ADA2: variants seen among roughly 807,000 people sequenced by gnomAD.
ADA2 encodes the protein adenosine deaminase CECR1.
ADA2 carries 29 observed loss-of-function variants against 44.2 expected under a neutral mutation model. The observed-to-expected ratio is 0.66, with a 90% confidence interval of 0.49 to 0.89. ADA2 has a LOEUF of 0.89. Among genes scored for constraint, ADA2 ranks in the 40% least tolerant of loss-of-function variants. ADA2 has a pLI of 0.00. For synonymous variants in ADA2, 215 were observed against 234.9 expected (o/e 0.92, Z 0.77); for missense variants, 637 against 644.8 (o/e 0.99, Z 0.13).
At chr22:17,196,478 T>C (rs2062192554) in intron 4 of ADA2, among the ~76,000 whole-genome samples, 1 of 152,138 alleles carries the variant, frequency 6.6e-6, no homozygotes, top group African/African-American at 2.4e-5. Context: ...AGAACCACTG[T>C]GTTAACCCAA....
At chr22:17,219,874 C>T (rs2062510240), upstream of ADA2, among the ~76,000 whole-genome samples, 1 of 151,764 alleles carries the variant, frequency 6.6e-6, no homozygotes, top group Non-Finnish European at 1.5e-5. Context: ...TGGGGTTTCA[C>T]CATGTTGGTC....
chr22:17,216,047 C>A (rs1196001386), intron 1 of ADA2, among the ~76,000 whole-genome samples: 1 of 151,576 alleles, frequency 6.6e-6, no homozygotes, highest in East Asian at 1.9e-4. Context: ...ATTAGTCAGG[C>A]GTGGTGGCGT....
At position 17,181,565 on chromosome 22, in the gene ADA2, A is replaced by G; in HGVS notation, c.1454T>C (p.Leu485Pro). The G allele has an allele frequency of 5.6e-6, 9 of 1,610,438 alleles. No homozygotes were observed. Among genetic ancestry groups the G allele is most frequent in the Non-Finnish European group, 7.6e-6 (9 of 1,176,972 alleles). The change falls in exon 10 of 10, where the codon CTG (leucine) becomes CCG (proline). Residue 485 changes from leucine (L) to proline (P), a missense_variant. Leu to Pro is a moderately conservative substitution (Grantham distance 98, BLOSUM62 -3). Transcript: ENST00000399837. ...LAMNSIKYST[L>P]LESEKNTFME... ...GAAAGTATTTTTCTCACTCTCCAAC[A>G]GGGTACTGTACCTGCAGGAAGAGGA...
At position 17,209,430 on chromosome 22, in the gene ADA2, C is replaced by G. The variant is rs753153247; in HGVS notation, c.248G>C (p.Ser83Thr). ...ATGCTTGGCCTGGAAAAAGTGCATG[C>G]TGGGTGGGAATATCAGGGTCCTCAT... The part of the protein sequence containing the change: ...EAMRTLIFPP[S>T]MHFFQAKHLI... Residue 83 changes from serine (S) to threonine (T), a missense_variant, in exon 2 of 10, where the codon AGC becomes ACC. Physicochemically the swap from Ser to Thr is moderately conservative, Grantham distance 58 (BLOSUM62 1). Transcript: ENST00000399837. 2 of 1,614,112 alleles carry G rather than the reference C, an allele frequency of 1.2e-6. No homozygotes were observed. Among genetic ancestry groups the G allele is most frequent in the Non-Finnish European group, 1.7e-6 (2 of 1,180,022 alleles).
intron 1 of ADA2, among the ~76,000 whole-genome samples, chr22:17,210,860 C>CT (rs1385309096): frequency 6.6e-6 from 1 of 151,988 alleles, no homozygotes; most frequent in African/African-American, 2.4e-5. Context: ...AGTGCTGGGA[C>CT]TACAGGCATG....
intron 4 of ADA2, among the ~76,000 whole-genome samples, chr22:17,201,142 G>C (rs1568982395): frequency 6.6e-6 from 1 of 151,796 alleles, no homozygotes; most frequent in Non-Finnish European, 1.5e-5. Flanking sequence ...CTGGGAGGTG[G>C]AGGTTGCAGT....
intron 1 of ADA2, among the ~76,000 whole-genome samples, chr22:17,217,332 ACAGT>A (rs1275112273): frequency 7.2e-5 from 11 of 152,182 alleles, no homozygotes; most frequent in Non-Finnish European, 1.0e-4. Context: ...CTTGCACAGC[ACAGT>A]CAATCATTCT....
intron 7 of ADA2, 91 bp from the exon 8 acceptor site, chr22:17,182,852 A>T: frequency 1.5e-6 from 2 of 1,343,120 alleles, no homozygotes; most frequent in Non-Finnish European, 2.0e-6. Flanking sequence ...CCCCCCGACC[A>T]TCCTCAAATA....
intron 4 of ADA2, chr22:17,199,661 G>A: frequency 6.2e-7 from 1 of 1,611,410 alleles, no homozygotes; most frequent in South Asian, 1.1e-5. Flanking sequence ...AGGACGCTCA[G>A]AGAGCCCAGC....
At chr22:17,183,417 C>T (rs74981457) in intron 7 of ADA2, among the ~76,000 whole-genome samples, 40,818 of 149,620 alleles carry the variant, frequency 0.27, 5,965 homozygotes, top group Non-Finnish European at 0.33. Context: ...GTCTCTCTGA[C>T]CCCACAGTCC....
At chr22:17,197,269 CT>C (rs113880994) in intron 4 of ADA2, among the ~76,000 whole-genome samples, 130 of 142,984 alleles carry the variant, frequency 9.1e-4, no homozygotes, top group Non-Finnish European at 9.4e-4. Context: ...TCTTTTTTTT[CT>C]TTTTTTTTTT....
At chr22:17,207,467 T>A (rs2062367868) in intron 2 of ADA2, among the ~76,000 whole-genome samples, 177 bp from the exon 3 acceptor site, 1 of 150,148 alleles carries the variant, frequency 6.7e-6, no homozygotes, top group Non-Finnish European at 1.5e-5. Context: ...TGAAGTCCCA[T>A]CCCAGGGCTC....
chr22:17,202,314 G>A (rs2062298944), intron 4 of ADA2, among the ~76,000 whole-genome samples: 1 of 152,120 alleles, frequency 6.6e-6, no homozygotes, highest in African/African-American at 2.4e-5. Flanking sequence ...ATTTTTAGTA[G>A]AGACAGGGTT....
chr22:17,217,093 C>T (rs2062481090), intron 1 of ADA2, among the ~76,000 whole-genome samples: 2 of 151,224 alleles, frequency 1.3e-5, no homozygotes, highest in South Asian at 4.2e-4. Flanking sequence ...ACAGCAAAGC[C>T]GAATGTTTAA....
intron 4 of ADA2, chr22:17,199,535 A>AAGTT (rs773289382): frequency 9.3e-6 from 15 of 1,606,060 alleles, no homozygotes; most frequent in Non-Finnish European, 1.3e-5. Context: ...GCCCAACAGG[A>AAGTT]AGTTCTCCCC....
At chr22:17,195,891 G>A (rs1403828686) in intron 4 of ADA2, among the ~76,000 whole-genome samples, 2 of 151,756 alleles carry the variant, frequency 1.3e-5, no homozygotes, top group Non-Finnish European at 2.9e-5. Flanking sequence ...GGGATTACAG[G>A]CACATGCCAC....
chr22:17,204,372 T>C (rs1482579776), intron 3 of ADA2, among the ~76,000 whole-genome samples: 1 of 151,758 alleles, frequency 6.6e-6, no homozygotes, highest in Non-Finnish European at 1.5e-5. Context: ...ATCCCAACAC[T>C]TTGGGAGGCC....
Position 17,181,408 on chromosome 22 carries a change from C to G in ADA2, c.*75G>C, listed in dbSNP as rs567859864. On this transcript the variant is annotated 3_prime_UTR_variant, in exon 10 of 10. Coordinates refer to ENST00000399837, the MANE Select transcript of ADA2 (RefSeq NM_001282225.2). The stretch of plus-strand genomic sequence containing the variant: ...CCATTGATTTCATGGGCACATGGAG[C>G]TGATTCAAGAACGAGTGAGAGGAAG... 5.0e-6 allele frequency: 5 copies of G among 991,028 alleles called. No individual in the cohort carries two copies. Among genetic ancestry groups the G allele is most frequent in the Non-Finnish European group, 8.1e-6 (5 of 614,144 alleles). 61.4% of individuals were successfully genotyped at this position (991,028 alleles called of 1,614,324 possible). A position where few individuals can be genotyped will look rare whatever the true frequency, so the allele number is the denominator to read the frequency against.
intron 1 of ADA2, among the ~76,000 whole-genome samples, chr22:17,217,358 A>G (rs1293199810): frequency 2.0e-5 from 3 of 152,190 alleles, no homozygotes; most frequent in African/African-American, 7.2e-5. Context: ...TGGCCACACC[A>G]AGGTACAGCA....
Sources: allele counts gnomAD v4.1 joint callset (sites outside exome capture counted in the v4.1 genomes callset), GRCh38; gene constraint gnomAD v4.1.1; transcripts MANE v1.5; gene names NCBI Gene and HGNC (gene_info 2026-07-23, HGNC 2026-07-21).